Variants in PPFIA2 observed in about 807,000 individuals in gnomAD.
PPFIA2 encodes the protein liprin-alpha-2.
Under a neutral mutation model 175.5 loss-of-function variants are expected in PPFIA2, and 46 were observed. The observed-to-expected ratio is 0.26, with a 90% CI of 0.21 to 0.34. The LOEUF is 0.34. Ranked by LOEUF, PPFIA2 falls within the 10% of genes least tolerant of loss-of-function variation. PPFIA2 has a pLI of 1.00. For synonymous variants in PPFIA2, 568 were observed against 511.4 expected (o/e 1.11, Z -1.49); for missense variants, 1,179 against 1,506.1 (o/e 0.78, Z 3.60).
intron 4 of PPFIA2, among the ~76,000 whole-genome samples, chr12:81,609,101 T>A (rs1276582925): frequency 1.3e-5 from 2 of 152,044 alleles, no homozygotes; most frequent in Non-Finnish European, 2.9e-5. Flanking sequence ...AGATTTTTTT[T>A]GCTATCAATT....
At chr12:81,376,028 A>C (rs1469116093) in intron 9 of PPFIA2, 86 bp from the exon 10 acceptor site, 1 of 1,246,272 alleles carries the variant, frequency 8.0e-7, no homozygotes, top group Non-Finnish European at 1.1e-6. Context: ...AAAGAAACAT[A>C]AAAACTATTG....
At chr12:81,383,474 A>G (rs1285005791) in intron 9 of PPFIA2, among the ~76,000 whole-genome samples, 1 of 152,108 alleles carries the variant, frequency 6.6e-6, no homozygotes, top group East Asian at 1.9e-4. Context: ...TTCACTTGAT[A>G]TTAGCCAAGA....
chr12:81,692,320 A>T (rs1271776037), intron 3 of PPFIA2, among the ~76,000 whole-genome samples: 1 of 152,092 alleles, frequency 6.6e-6, no homozygotes, highest in African/African-American at 2.4e-5. Flanking sequence ...TGATACTTTG[A>T]TTGCAGCCTT....
intron 24 of PPFIA2, among the ~76,000 whole-genome samples, chr12:81,286,943 TG>T (rs1279960542): frequency 6.6e-6 from 1 of 152,034 alleles, no homozygotes; most frequent in African/African-American, 2.4e-5. Flanking sequence ...CTTCTAACAA[TG>T]ATGCTCATTA....
intron 21 of PPFIA2, 31 bp from the exon 22 acceptor site, chr12:81,325,901 T>G: frequency 6.9e-7 from 1 of 1,455,538 alleles, no homozygotes; most frequent in Non-Finnish European, 9.6e-7. Context: ...GTATTCAGAT[T>G]ATGTTGCATA....
intron 4 of PPFIA2, among the ~76,000 whole-genome samples, chr12:81,566,120 A>G (rs1181402514): frequency 2.0e-5 from 3 of 152,124 alleles, no homozygotes; most frequent in Admixed American, 6.5e-5. Context: ...GAGTCCCACT[A>G]TGCTCACTCC....
chr12:81,707,066 C>A (rs2077254687), intron 3 of PPFIA2, among the ~76,000 whole-genome samples: 1 of 152,114 alleles, frequency 6.6e-6, no homozygotes, highest in Non-Finnish European at 1.5e-5. Context: ...ATCATAAAAA[C>A]CCTAGAAAAA....
chr12:81,437,270 C>T (rs2049233090), intron 7 of PPFIA2, among the ~76,000 whole-genome samples: 1 of 152,186 alleles, frequency 6.6e-6, no homozygotes, highest in African/African-American at 2.4e-5. Flanking sequence ...GGCTGTGTTG[C>T]CTAGGCTGGA....
chr12:81,701,145 C>G (rs1322844022), intron 3 of PPFIA2, among the ~76,000 whole-genome samples: 1 of 152,176 alleles, frequency 6.6e-6, no homozygotes, highest in Non-Finnish European at 1.5e-5. Flanking sequence ...ACTGCATTTT[C>G]TCATCTGTGA....
intron 3 of PPFIA2, among the ~76,000 whole-genome samples, chr12:81,722,079 G>A (rs575677135): frequency 2.0e-5 from 3 of 150,920 alleles, no homozygotes; most frequent in African/African-American, 7.3e-5. Context: ...GTGTTTCATA[G>A]GACACTTTCC....
At chr12:81,426,898 A>T (rs17737492) in intron 7 of PPFIA2, among the ~76,000 whole-genome samples, 13,274 of 152,106 alleles carry the variant, frequency 0.087, 823 homozygotes, top group Middle Eastern at 0.16. Context: ...TATTATACTG[A>T]AGTCTATACT....
At chr12:81,268,132 CTTTTTTT>C (rs746893824) in intron 28 of PPFIA2, 45 bp from the exon 29 acceptor site, 138 of 637,876 alleles carry the variant, frequency 2.2e-4, no homozygotes, top group South Asian at 1.2e-3. Context: ...ATTTTTCTTT[CTTTTTTT>C]TTTTTTTTTT....
chr12:81,546,592 A>G (rs1322884542), intron 4 of PPFIA2: 1 of 152,190 alleles, frequency 6.6e-6, no homozygotes, highest in African/African-American at 2.4e-5. Flanking sequence ...TTGTCAATAT[A>G]ATATACCCCA....
chr12:81,638,992 T>C (rs2064553649), intron 4 of PPFIA2, among the ~76,000 whole-genome samples: 2 of 152,200 alleles, frequency 1.3e-5, no homozygotes, highest in African/African-American at 4.8e-5. Flanking sequence ...CGGCCTGTTT[T>C]GTCATAAATT....
In PPFIA2 at chr12:81,283,031, A is replaced by G. The variant is rs1264514315; in HGVS notation, c.2997T>C (p.Ser999=). The change falls in exon 26 of 33, where the codon TCT becomes TCC. Residue 999 remains serine (S), a synonymous_variant. Transcript: ENST00000549396. ...NLAAPAKTKE[S]EEGSWAQCPV... is the part of the protein sequence containing the mutation. Reference sequence around the variant, plus strand: ...CTACCTGGGCCCAGCTTCCTTCCTCAGATTCTTTCTGTGTTAGCAGCAGGA... The same window carrying G: ...CTACCTGGGCCCAGCTTCCTTCCTCGGATTCTTTCTGTGTTAGCAGCAGGA... 6.2e-7 allele frequency: 1 copy of G among 1,612,026 alleles called. No homozygotes were observed. The highest frequency in any genetic ancestry group is 8.5e-7 in the Non-Finnish European group (1 of 1,178,606).
chr12:81,708,114 T>C (rs1344963023), intron 3 of PPFIA2, among the ~76,000 whole-genome samples: 1 of 151,290 alleles, frequency 6.6e-6, no homozygotes, highest in Non-Finnish European at 1.5e-5. Context: ...ATGTCACATG[T>C]ATACATATGT....
At chr12:81,422,464 A>C (rs928584767) in intron 7 of PPFIA2, among the ~76,000 whole-genome samples, 1 of 152,068 alleles carries the variant, frequency 6.6e-6, no homozygotes, top group Admixed American at 6.6e-5. Context: ...AGAGTGAAAA[A>C]CCTTGGAAAA....
chr12:81,360,884 C>A (rs1015541199), intron 15 of PPFIA2, among the ~76,000 whole-genome samples: 1 of 151,624 alleles, frequency 6.6e-6, no homozygotes, highest in Non-Finnish European at 1.5e-5. Context: ...CTTATTTTAT[C>A]TGCAAACCAA....
At position 81,694,263 on chromosome 12, in the gene PPFIA2, A is replaced by G. The variant is rs143565118; in HGVS notation, c.250-17419T>C. Among the ~76,000 whole-genome samples the G allele has an allele frequency of 2.6e-5, 4 of 152,266 alleles. No individual in the cohort carries two copies. The East Asian group carries it at 7.7e-4, about 29-fold the overall frequency. On this transcript the variant is annotated intron_variant, in intron 3 of 32. Transcript: ENST00000549396. ...TGGAAAAAGGCCTCAAAAGCATTTC[A>G]GAAAACTGTGTGGCAGCCCCTCACA... is the stretch of plus-strand genomic sequence containing the variant.
Sources: gnomAD v4.1 joint callset for allele counts (sites outside exome capture counted in the v4.1 genomes callset) on GRCh38, gnomAD v4.1.1 for gene constraint, MANE v1.5 for transcripts, NCBI Gene and HGNC (gene_info 2026-07-23, HGNC 2026-07-21) for gene names.